Variants in MTFR1 observed in about 807,000 individuals in gnomAD.
The protein encoded by MTFR1 is chondrocyte protein with a poly-proline region.
MTFR1 carries 28 observed loss-of-function variants against 38.8 expected under a neutral mutation model. The ratio of observed to expected loss-of-function variants is 0.72; its 90% CI spans 0.53 to 0.99. MTFR1 has a LOEUF of 0.99. Among genes scored for constraint, MTFR1 ranks in the 50% least tolerant of loss-of-function variants. The probability of loss-of-function intolerance (pLI) is 0.00; values close to 1 mark genes in which losing one functional copy is unlikely to be tolerated. For synonymous variants in MTFR1, 145 were observed against 137.0 expected (o/e 1.06, Z -0.41); for missense variants, 358 against 395.5 (o/e 0.91, Z 0.81).
intron 4 of MTFR1, among the ~76,000 whole-genome samples, chr8:65,703,379 T>C (rs1805672601): frequency 6.6e-6 from 1 of 150,618 alleles, no homozygotes. Flanking sequence ...CTTTGGCTGT[T>C]TATCTTCTGT....
chr8:65,645,600 AC>A (rs1357524470), intron 1 of MTFR1, among the ~76,000 whole-genome samples: 1 of 144,792 alleles, frequency 6.9e-6, no homozygotes, highest in Admixed American at 7.2e-5. Flanking sequence ...ATCTCTACCC[AC>A]TGCAGCCTCC....
chr8:65,746,097 A>ATTT (rs374802114), intron 3 of MTFR1, among the ~76,000 whole-genome samples: 2 of 141,308 alleles, frequency 1.4e-5, no homozygotes, highest in Non-Finnish European at 1.5e-5. Context: ...TACCTGGCTA[A>ATTT]TTTTTTTTTT....
intron 3 of MTFR1, among the ~76,000 whole-genome samples, chr8:65,754,958 C>T (rs1311442672): frequency 2.7e-5 from 4 of 150,212 alleles, no homozygotes; most frequent in Admixed American, 2.6e-4. Flanking sequence ...AGCGAGACTC[C>T]CTCAAAAAAA....
intron 3 of MTFR1, among the ~76,000 whole-genome samples, chr8:65,733,077 T>A (rs1185142542): frequency 6.6e-6 from 1 of 152,218 alleles, no homozygotes; most frequent in Non-Finnish European, 1.5e-5. Flanking sequence ...TGTAGGGCTT[T>A]GTGATTTTAT....
intron 5 of MTFR1, among the ~76,000 whole-genome samples, chr8:65,706,220 G>A (rs1208304323): frequency 6.6e-6 from 1 of 152,046 alleles, no homozygotes; most frequent in East Asian, 1.9e-4. Context: ...TTTTCCTTTT[G>A]CTTTACCTCC....
intron 3 of MTFR1, among the ~76,000 whole-genome samples, chr8:65,762,761 C>T (rs1248993015): frequency 6.6e-6 from 1 of 152,012 alleles, no homozygotes; most frequent in Non-Finnish European, 1.5e-5. Flanking sequence ...AGTATAACTT[C>T]ATCCTGAAAA....
chr8:65,748,217 T>G (rs891862526), intron 3 of MTFR1, among the ~76,000 whole-genome samples: 1 of 152,168 alleles, frequency 6.6e-6, no homozygotes, highest in Non-Finnish European at 1.5e-5. Context: ...AGCCAGGTCC[T>G]AAGTTACATA....
intron 3 of MTFR1, 68 bp downstream of exon 3, chr8:65,682,519 G>A (rs2129053600): frequency 5.8e-6 from 5 of 865,818 alleles, no homozygotes; most frequent in Non-Finnish European, 6.1e-6. Context: ...AGGCAAGATG[G>A]TTTTAAAAGC....
At chr8:65,771,105 A>G in exon 4 of MTFR1, 1 of 316,666 alleles carries the variant, frequency 3.2e-6, no homozygotes, top group South Asian at 2.7e-5. Flanking sequence ...ACATAATAAA[A>G]TGGTTGAGGT....
intron 1 of MTFR1, among the ~76,000 whole-genome samples, chr8:65,668,184 CTTTTTTTTTTT>C (rs1804449219): frequency 1.8e-5 from 2 of 109,184 alleles, no homozygotes; most frequent in East Asian, 2.3e-4. Context: ...TTTTTTTTTT[CTTTTTTTTTTT>C]GAGAGGGAGT....
At chr8:65,663,600 A>C (rs1238586277) in intron 1 of MTFR1, among the ~76,000 whole-genome samples, 1 of 150,882 alleles carries the variant, frequency 6.6e-6, no homozygotes. Flanking sequence ...AAATACCCCC[A>C]AAATGTGAAG....
intron 3 of MTFR1, among the ~76,000 whole-genome samples, chr8:65,743,347 TC>T (rs1205123073): frequency 1.3e-5 from 2 of 152,282 alleles, no homozygotes; most frequent in East Asian, 3.9e-4. Context: ...TCAGAGCCTT[TC>T]CTGTGTGTAC....
chr8:65,691,560 A>G (rs1325851680), intron 3 of MTFR1, among the ~76,000 whole-genome samples: 3 of 152,166 alleles, frequency 2.0e-5, no homozygotes, highest in Non-Finnish European at 4.4e-5. Context: ...CCAAAGTGCC[A>G]GGATTACAGG....
At chr8:65,687,927 C>CT (rs1340096664) in intron 3 of MTFR1, among the ~76,000 whole-genome samples, 8 of 151,664 alleles carry the variant, frequency 5.3e-5, no homozygotes, top group African/African-American at 1.9e-4. Context: ...TGGTGAAACT[C>CT]TGTCTCTATT....
intron 3 of MTFR1, among the ~76,000 whole-genome samples, chr8:65,769,328 G>A (rs113548065): frequency 6.0e-4 from 91 of 150,858 alleles, no homozygotes; most frequent in African/African-American, 1.9e-3. Context: ...TGCATGATAC[G>A]GCCATCTGAG....
chr8:65,649,691 A>T (rs1809064476), intron 1 of MTFR1, among the ~76,000 whole-genome samples: 1 of 152,100 alleles, frequency 6.6e-6, no homozygotes, highest in Non-Finnish European at 1.5e-5. Context: ...ACAATAAATT[A>T]TTGTTGGCTA....
At chr8:65,649,637 G>T (rs1191717342) in intron 1 of MTFR1, among the ~76,000 whole-genome samples, 1 of 151,990 alleles carries the variant, frequency 6.6e-6, no homozygotes, top group Non-Finnish European at 1.5e-5. Flanking sequence ...TCCTTTCTTT[G>T]TGTTACAAAC....
At chr8:65,765,734 A>G (rs1440135044) in intron 3 of MTFR1, 2 of 152,174 alleles carry the variant, frequency 1.3e-5, no homozygotes, top group East Asian at 3.9e-4. Flanking sequence ...AAGAACTGTC[A>G]AGCTGACAAC....
At chr8:65,696,758 T>C (rs921191660) in intron 4 of MTFR1, among the ~76,000 whole-genome samples, 1 of 151,692 alleles carries the variant, frequency 6.6e-6, no homozygotes, top group African/African-American at 2.4e-5. Context: ...CCTCCTGGGT[T>C]TAAGCAATTC....
Sources: allele counts gnomAD v4.1 joint callset (sites outside exome capture counted in the v4.1 genomes callset), GRCh38; gene constraint gnomAD v4.1.1; transcripts MANE v1.5; gene names NCBI Gene and HGNC (gene_info 2026-07-23, HGNC 2026-07-21).